SAMD12: variants seen among roughly 807,000 people sequenced by gnomAD.
SAMD12 encodes sterile alpha motif domain containing 12.
Under a neutral mutation model 15.0 loss-of-function variants are expected in SAMD12, and 9 were observed. The observed-to-expected ratio is 0.60, with a 90% confidence interval of 0.36 to 1.05. The LOEUF (loss-of-function observed/expected upper bound fraction) is 1.05. Ranked by LOEUF, SAMD12 falls within the 50% of genes least tolerant of loss-of-function variation. The pLI is 0.01. For synonymous variants in SAMD12, 86 were observed against 90.1 expected (o/e 0.96, Z 0.25); for missense variants, 230 against 234.2 (o/e 0.98, Z 0.12).
At chr8:118,551,066 C>T (rs1012314495) in intron 2 of SAMD12, among the ~76,000 whole-genome samples, 43 of 152,184 alleles carry the variant, frequency 2.8e-4, no homozygotes, top group African/African-American at 9.6e-4. Context: ...TTAGACCACA[C>T]ATTAATAATG....
chr8:118,537,926 C>T lies in SAMD12; in HGVS notation c.192+42789G>A, dbSNP rs185795334. Among the ~76,000 whole-genome samples, 401 of 152,192 alleles carry T rather than the reference C, an allele frequency of 2.6e-3. 3 individuals are homozygous for T. Among genetic ancestry groups the T allele is most frequent in the Admixed American group, 7.9e-3 (120 of 15,284 alleles). ...TCTTCACAGTCTGGGCTTGTTTGTA[C>T]TCATCTTTCTTGGGAAGGCTTTCCA... On this transcript the variant is annotated intron_variant, in intron 2 of 3. Transcript: ENST00000314727.
intron 1 of SAMD12, among the ~76,000 whole-genome samples, chr8:118,616,927 AG>A (rs1296206076): frequency 6.6e-6 from 1 of 152,226 alleles, no homozygotes; most frequent in Non-Finnish European, 1.5e-5. Context: ...ATGCCTTATG[AG>A]AATCTAATGC....
chr8:118,443,462 T>TA (rs1822815457), intron 2 of SAMD12, among the ~76,000 whole-genome samples: 1 of 149,026 alleles, frequency 6.7e-6, no homozygotes, highest in South Asian at 2.1e-4. Context: ...TCTCAAAAAA[T>TA]AAAAAACACT....
intron 2 of SAMD12, among the ~76,000 whole-genome samples, chr8:118,460,912 A>C (rs1412541883): frequency 6.6e-6 from 1 of 152,290 alleles, no homozygotes; most frequent in East Asian, 1.9e-4. Flanking sequence ...TTACCTTCTC[A>C]GCTACATCAC....
At chr8:118,562,859 T>C (rs1826746653) in intron 2 of SAMD12, among the ~76,000 whole-genome samples, 1 of 152,130 alleles carries the variant, frequency 6.6e-6, no homozygotes, top group Admixed American at 6.5e-5. Flanking sequence ...AGTAGACCTG[T>C]CCACTGGGAG....
chr8:118,600,574 T>G (rs868864691), intron 1 of SAMD12, among the ~76,000 whole-genome samples: 1 of 152,186 alleles, frequency 6.6e-6, no homozygotes, highest in African/African-American at 2.4e-5. Flanking sequence ...AGTGACTCTA[T>G]TGCACTATAT....
intron 2 of SAMD12, among the ~76,000 whole-genome samples, chr8:118,513,636 A>C (rs561183990): frequency 2.0e-5 from 3 of 152,360 alleles, no homozygotes; most frequent in Non-Finnish European, 4.4e-5. Flanking sequence ...AATGCCCCTA[A>C]GGCAAGTATT....
At chr8:118,402,682 T>C (rs746356712) in intron 3 of SAMD12, among the ~76,000 whole-genome samples, 25 of 152,160 alleles carry the variant, frequency 1.6e-4, no homozygotes, top group Admixed American at 1.6e-3. Flanking sequence ...CTCCTGTGTG[T>C]GTTGGGAGAA....
At chr8:118,554,270 C>G (rs1407787407) in intron 2 of SAMD12, among the ~76,000 whole-genome samples, 1 of 152,098 alleles carries the variant, frequency 6.6e-6, no homozygotes, top group East Asian at 1.9e-4. Flanking sequence ...ATAGCAAAGA[C>G]TTGGAACCAA....
intron 2 of SAMD12, among the ~76,000 whole-genome samples, chr8:118,474,510 A>G (rs886934918): frequency 6.6e-6 from 1 of 151,714 alleles, no homozygotes; most frequent in Non-Finnish European, 1.5e-5. Flanking sequence ...CCTCCCGAGT[A>G]GCTGGGATTA....
At chr8:118,402,656 G>A (rs1820924017) in intron 3 of SAMD12, among the ~76,000 whole-genome samples, 1 of 152,116 alleles carries the variant, frequency 6.6e-6, no homozygotes, top group Non-Finnish European at 1.5e-5. Flanking sequence ...AAGAGCAATG[G>A]GCAGCCATAA....
chr8:118,426,897 G>C (rs966348679), intron 3 of SAMD12, among the ~76,000 whole-genome samples: 2 of 152,162 alleles, frequency 1.3e-5, no homozygotes, highest in Non-Finnish European at 2.9e-5. Context: ...AAATACAAAA[G>C]GTGGCAACTC....
At chr8:118,455,453 G>T (rs1484725937) in intron 2 of SAMD12, among the ~76,000 whole-genome samples, 1 of 151,926 alleles carries the variant, frequency 6.6e-6, no homozygotes, top group Non-Finnish European at 1.5e-5. Context: ...TTCTTTCTTT[G>T]TCCCACCTTC....
chr8:118,570,185 G>A (rs1026619686), intron 2 of SAMD12, among the ~76,000 whole-genome samples: 1 of 152,162 alleles, frequency 6.6e-6, no homozygotes, highest in Non-Finnish European at 1.5e-5. Context: ...GGTAGCAGAA[G>A]TCATAGGGCC....
At chr8:118,236,386 C>T (rs1475034603) in intron 4 of SAMD12, among the ~76,000 whole-genome samples, 1 of 152,140 alleles carries the variant, frequency 6.6e-6, no homozygotes, top group Non-Finnish European at 1.5e-5. Flanking sequence ...AATAGTAGCA[C>T]TTTGCCTCAA....
At chr8:118,568,622 A>G (rs1813532200) in intron 2 of SAMD12, among the ~76,000 whole-genome samples, 1 of 152,238 alleles carries the variant, frequency 6.6e-6, no homozygotes, top group Admixed American at 6.5e-5. Context: ...ATTTAAAAAA[A>G]TCACCTTGTA....
intron 3 of SAMD12, among the ~76,000 whole-genome samples, chr8:118,438,850 GATC>G (rs1822651652): frequency 6.6e-6 from 1 of 152,108 alleles, no homozygotes; most frequent in Non-Finnish European, 1.5e-5. Context: ...AGAAAAAAAA[GATC>G]TGGACTAGAA....
chr8:118,414,101 T>G (rs1021365168), intron 3 of SAMD12, among the ~76,000 whole-genome samples: 7 of 152,238 alleles, frequency 4.6e-5, no homozygotes, highest in Non-Finnish European at 8.8e-5. Flanking sequence ...TTAATAAACT[T>G]TGCAATATTT....
At chr8:118,158,781 AG>A in the SAMD12 span, among the ~76,000 whole-genome samples, 1 of 152,096 alleles carries the variant, frequency 6.6e-6, no homozygotes, top group African/African-American at 2.4e-5. Flanking sequence ...CAGCCAGACT[AG>A]GGCAAATGAT....
Sources: allele counts gnomAD v4.1 joint callset (sites outside exome capture counted in the v4.1 genomes callset), GRCh38; gene constraint gnomAD v4.1.1; transcripts MANE v1.5; gene names NCBI Gene and HGNC (gene_info 2026-07-23, HGNC 2026-07-21).